Variants in TAFA1 observed in about 807,000 individuals in gnomAD.
TAFA1 encodes the protein chemokine-like protein TAFA-1.
Under a neutral mutation model 18.5 loss-of-function variants are expected in TAFA1, and 4 were observed. The ratio of observed to expected loss-of-function variants is 0.22; its 90% CI spans 0.11 to 0.49. The LOEUF (loss-of-function observed/expected upper bound fraction) is 0.49, where lower values mean the gene tolerates loss of function less well. Ranked by LOEUF, TAFA1 falls within the 20% of genes least tolerant of loss-of-function variation. TAFA1 has a pLI of 0.98. For missense variants in TAFA1, 147 were observed against 169.0 expected, an observed-to-expected ratio of 0.87 and a Z score of 0.72; for synonymous variants, 56 against 55.2, an observed-to-expected ratio of 1.01 and a Z score of -0.06.
At chr3:68,323,520 G>C (rs79246321) in intron 2 of TAFA1, among the ~76,000 whole-genome samples, 1 of 152,162 alleles carries the variant, frequency 6.6e-6, no homozygotes, top group Admixed American at 6.5e-5. Context: ...CTGCCCAAAA[G>C]GTTTTGAACG....
intron 2 of TAFA1, among the ~76,000 whole-genome samples, chr3:68,012,005 A>G (rs1352656119): frequency 6.6e-6 from 1 of 152,254 alleles, no homozygotes. Flanking sequence ...ATGTTATACC[A>G]CACTGCAAAC....
chr3:68,289,415 A>AT (rs1423673949), intron 2 of TAFA1, among the ~76,000 whole-genome samples: 7 of 138,368 alleles, frequency 5.1e-5, no homozygotes, highest in African/African-American at 1.9e-4. Context: ...CTCCATTATT[A>AT]TTTTGTAGAA....
chr3:68,167,284 A>T (rs2065993209), intron 2 of TAFA1, among the ~76,000 whole-genome samples: 1 of 152,254 alleles, frequency 6.6e-6, no homozygotes. Flanking sequence ...ACTGCATAAA[A>T]GTTAAAAATG....
chr3:68,054,066 C>A (rs149439980), intron 2 of TAFA1, among the ~76,000 whole-genome samples: 369 of 152,246 alleles, frequency 2.4e-3, no homozygotes, highest in Middle Eastern at 0.02. Flanking sequence ...TTTCTGGACT[C>A]CCCTTCACAG....
chr3:68,233,349 A>C (rs1208857006), intron 2 of TAFA1, among the ~76,000 whole-genome samples: 2 of 152,084 alleles, frequency 1.3e-5, no homozygotes, highest in East Asian at 1.9e-4. Context: ...AAAGCTTTTT[A>C]GTCTAATATA....
chr3:68,340,422 G>T (rs753725242), intron 2 of TAFA1, among the ~76,000 whole-genome samples: 3 of 152,308 alleles, frequency 2.0e-5, no homozygotes, highest in Admixed American at 2.0e-4. Flanking sequence ...CATGTGAATG[G>T]AATGACTTTA....
intron 3 of TAFA1, among the ~76,000 whole-genome samples, chr3:68,521,927 A>G (rs895823782): frequency 2.4e-5 from 3 of 125,236 alleles, no homozygotes; most frequent in Non-Finnish European, 4.7e-5. Context: ...TGGCATGATC[A>G]TGACTCACTG....
At chr3:68,352,135 C>T (rs1314919410) in intron 2 of TAFA1, among the ~76,000 whole-genome samples, 1 of 151,830 alleles carries the variant, frequency 6.6e-6, no homozygotes, top group African/African-American at 2.4e-5. Flanking sequence ...CACTAACCAC[C>T]CTCTTGAGCA....
chr3:68,361,938 T>C (rs2106795408), intron 2 of TAFA1, among the ~76,000 whole-genome samples: 1 of 152,254 alleles, frequency 6.6e-6, no homozygotes, highest in South Asian at 2.1e-4. Context: ...ATGATCTTTT[T>C]ACTAACATGG....
chr3:68,124,501 T>C (rs2106868115), intron 2 of TAFA1, among the ~76,000 whole-genome samples: 1 of 152,324 alleles, frequency 6.6e-6, no homozygotes, highest in East Asian at 1.9e-4. Flanking sequence ...ATTTTGTTCA[T>C]TCTCAAATGG....
At chr3:68,162,102 G>T (rs1355596041) in intron 2 of TAFA1, among the ~76,000 whole-genome samples, 2 of 152,134 alleles carry the variant, frequency 1.3e-5, no homozygotes, top group Non-Finnish European at 2.9e-5. Context: ...AGAAGCAATA[G>T]ATTTCTCACA....
intron 2 of TAFA1, among the ~76,000 whole-genome samples, chr3:68,396,647 A>G (rs528398842): frequency 7.2e-5 from 11 of 152,318 alleles, no homozygotes; most frequent in African/African-American, 2.6e-4. Context: ...ATTTGGGACT[A>G]TAATCAACAA....
chr3:68,145,677 C>A, intron 2 of TAFA1: 1 of 902,350 alleles, frequency 1.1e-6, no homozygotes, highest in Non-Finnish European at 1.9e-6. Flanking sequence ...ATCCTGTATA[C>A]TGACAAATAT....
At chr3:68,426,628 A>C (rs913885579) in intron 3 of TAFA1, among the ~76,000 whole-genome samples, 2 of 151,902 alleles carry the variant, frequency 1.3e-5, no homozygotes, top group African/African-American at 2.4e-5. Flanking sequence ...GAAGAAAGAC[A>C]AAAAAATTAC....
chr3:68,256,295 A>G (rs1438282391), intron 2 of TAFA1, among the ~76,000 whole-genome samples: 1 of 152,074 alleles, frequency 6.6e-6, no homozygotes, highest in African/African-American at 2.4e-5. Flanking sequence ...CACAGGGGAA[A>G]TGCTGCTTTT....
intron 2 of TAFA1, among the ~76,000 whole-genome samples, chr3:68,035,770 A>G (rs557253407): frequency 1.3e-5 from 2 of 152,210 alleles, no homozygotes; most frequent in East Asian, 3.9e-4. Context: ...GGAACTGAAG[A>G]CACTCCAAAT....
chr3:68,449,203 G>T (rs1244120590), intron 3 of TAFA1, among the ~76,000 whole-genome samples: 1 of 152,200 alleles, frequency 6.6e-6, no homozygotes, highest in African/African-American at 2.4e-5. Flanking sequence ...ACCAAGCCTT[G>T]AGGGTTGAGT....
intron 2 of TAFA1, among the ~76,000 whole-genome samples, chr3:68,366,603 C>T (rs1475303547): frequency 6.6e-6 from 1 of 152,206 alleles, no homozygotes; most frequent in Non-Finnish European, 1.5e-5. Flanking sequence ...CCTTTCCTTA[C>T]AGGCAGGCAA....
intron 3 of TAFA1, among the ~76,000 whole-genome samples, chr3:68,530,008 C>T (rs1437649745): frequency 2.0e-5 from 3 of 152,196 alleles, no homozygotes; most frequent in Non-Finnish European, 4.4e-5. Context: ...CTCATTTATA[C>T]TTCTTTCCTG....
Sources: gnomAD v4.1 joint callset for allele counts (sites outside exome capture counted in the v4.1 genomes callset) on GRCh38, gnomAD v4.1.1 for gene constraint, MANE v1.5 for transcripts, NCBI Gene and HGNC (gene_info 2026-07-23, HGNC 2026-07-21) for gene names.